The following PCLO variants were observed in gnomAD, a reference collection of about 807,000 sequenced individuals.
PCLO encodes piccolo presynaptic cytomatrix protein, also known as protein piccolo.
Under a neutral mutation model 427.5 loss-of-function variants are expected in PCLO, and 82 were observed. The ratio of observed to expected loss-of-function variants is 0.19; its 90% CI spans 0.16 to 0.23. PCLO has a LOEUF of 0.23. PCLO is among the 10% of genes least tolerant of loss of function. The probability of loss-of-function intolerance (pLI) is 1.00; values close to 1 mark genes in which losing one functional copy is unlikely to be tolerated. For synonymous variants in PCLO, 2,357 were observed against 2,155.4 expected, an observed-to-expected ratio of 1.09 and a Z score of -2.59; for missense variants, 6,239 against 6,115.9, an observed-to-expected ratio of 1.02 and a Z score of -0.67.
intron 6 of PCLO, among the ~76,000 whole-genome samples, chr7:82,928,030 A>C (rs971539152): frequency 1.3e-5 from 2 of 152,204 alleles, no homozygotes; most frequent in African/African-American, 4.8e-5. Flanking sequence ...AGCAGTCCTC[A>C]CATGCATGGG....
At chr7:82,914,663 G>T (rs1418645438) in intron 7 of PCLO, 23 bp downstream of exon 7, 1 of 1,608,612 alleles carries the variant, frequency 6.2e-7, no homozygotes, top group East Asian at 2.2e-5. Context: ...GAGAGTAACA[G>T]GGTAGTTTGA....
chr7:82,787,892 G>T (rs1394548621), intron 22 of PCLO, among the ~76,000 whole-genome samples: 1 of 152,024 alleles, frequency 6.6e-6, no homozygotes, highest in African/African-American at 2.4e-5. Context: ...CAAACTATCA[G>T]ACTATCAAAA....
At chr7:82,824,194 A>G (rs747269208) in intron 19 of PCLO, 42 bp downstream of exon 19, 52 of 1,398,422 alleles carry the variant, frequency 3.7e-5, no homozygotes, top group Non-Finnish European at 4.8e-5. Flanking sequence ...AGACTGAACA[A>G]ATAGACACAA....
chr7:83,045,391 A>G (rs757682153), intron 3 of PCLO, among the ~76,000 whole-genome samples: 3 of 152,162 alleles, frequency 2.0e-5, no homozygotes, highest in Non-Finnish European at 4.4e-5. Flanking sequence ...ATCCTCCATC[A>G]TAAGTTCTAC....
intron 20 of PCLO, chr7:82,821,685 CCAGA>C: frequency 2.0e-6 from 2 of 978,514 alleles, no homozygotes; most frequent in Non-Finnish European, 2.4e-6. Context: ...CTTATAGCTA[CCAGA>C]CATAGTATAT....
chr7:83,156,281 C>T lies in PCLO; in HGVS notation c.360G>A (p.Arg120=), dbSNP rs1326916961. The T allele has an allele frequency of 3.1e-6, 5 of 1,613,424 alleles. No individual in the cohort carries two copies. Among genetic ancestry groups the T allele is most frequent in the Non-Finnish European group, 3.4e-6 (4 of 1,179,680 alleles). ...LSKSRTTDTF[R]SEQKLPGRSP... ...TCCTCCCAGGCAATTTCTGCTCTGA[C>T]CTGAAAGTGTCTGTAGTTCTACTTT... is the stretch of plus-strand genomic sequence containing the variant. The change falls in exon 2 of 25, where the codon AGG becomes AGA. Residue 120 remains arginine (R), a synonymous_variant. Coordinates refer to ENST00000333891, the MANE Select transcript of PCLO (RefSeq NM_033026.6).
In PCLO at chr7:82,843,664, C is replaced by A. The variant is rs1792424659; in HGVS notation, c.14046+1607G>T. On this transcript the variant is annotated intron_variant, in intron 13 of 24. Coordinates refer to ENST00000333891, the MANE Select transcript of PCLO (RefSeq NM_033026.6). Reference sequence around the variant, plus strand: ...CAATGTAGCCATTCCACAACGTATTCATTTTTTTTTTTTTTTTGGAGACAG... The same window carrying A: ...CAATGTAGCCATTCCACAACGTATTAATTTTTTTTTTTTTTTTGGAGACAG... 1.5e-5 allele frequency among the ~76,000 whole-genome samples: 2 copies of A among 135,712 alleles called. 1 individual carries two copies. Among genetic ancestry groups the A allele is most frequent in the South Asian group, 5.5e-4 (2 of 3,606 alleles). 89.0% of individuals were successfully genotyped at this position (135,712 alleles called of 152,430 possible).
chr7:83,051,453 A>G (rs970503322), intron 3 of PCLO, among the ~76,000 whole-genome samples: 1 of 152,168 alleles, frequency 6.6e-6, no homozygotes, highest in Non-Finnish European at 1.5e-5. Context: ...AATACCATTT[A>G]TATTAGTACC....
chr7:83,053,508 T>C (rs530720811), intron 3 of PCLO, among the ~76,000 whole-genome samples: 1 of 151,706 alleles, frequency 6.6e-6, no homozygotes, highest in African/African-American at 2.4e-5. Flanking sequence ...GAGGGGAGTA[T>C]GGAGGAAAAG....
At chr7:82,937,518 A>G (rs1794984890) in intron 6 of PCLO, among the ~76,000 whole-genome samples, 1 of 151,744 alleles carries the variant, frequency 6.6e-6, no homozygotes, top group African/African-American at 2.4e-5. Flanking sequence ...GTTAACTAGA[A>G]TATTATAAAC....
chr7:83,084,466 C>T (rs957949165), intron 3 of PCLO, among the ~76,000 whole-genome samples: 4 of 152,016 alleles, frequency 2.6e-5, no homozygotes, highest in African/African-American at 9.7e-5. Flanking sequence ...AGCACCATGT[C>T]TCATTCTGCC....
chr7:82,956,277 T>G lies in PCLO; in HGVS notation c.4676A>C (p.Gln1559Pro). The G allele has an allele frequency of 6.2e-7, 1 of 1,612,568 alleles. No individual in the cohort carries two copies. The highest frequency in any genetic ancestry group is 8.5e-7 in the Non-Finnish European group (1 of 1,179,876). ...TTCATCAGCACTCATTTCTATGATT[T>G]GTTTTCGAATGAAGTCCTCCTCTTC... is the stretch of plus-strand genomic sequence containing the variant. ...SGEEEDFIRKQIIEMSADEDA... is the reference protein window; with the variant it reads ...SGEEEDFIRKPIIEMSADEDA... Residue 1559 changes from glutamine to proline, a missense_variant, in exon 5 of 25, where the codon CAA becomes CCA. Coordinates refer to ENST00000333891, the MANE Select transcript of PCLO (RefSeq NM_033026.6).
At chr7:82,852,434 C>A (rs1792687771) in intron 10 of PCLO, among the ~76,000 whole-genome samples, 1 of 152,104 alleles carries the variant, frequency 6.6e-6, no homozygotes, top group Non-Finnish European at 1.5e-5. Context: ...CTGGAAAGAG[C>A]CGACCTGCTG....
In PCLO at chr7:83,162,492, T is replaced by G. The variant is rs1225761629; in HGVS notation, c.101A>C (p.His34Pro). 3.7e-5 allele frequency: 58 copies of G among 1,572,426 alleles called. No homozygotes were observed. The highest frequency in any genetic ancestry group is 4.9e-5 in the Non-Finnish European group (57 of 1,158,982). ...GGASGAGSPS[H>P]TAIPAGMEAD... ...CTCCATGCCGGCCGGGATCGCGGTG[T>G]GAGAGGGGCTCCCCGCCCCGCTAGC... Residue 34 changes from histidine (H) to proline (P), a missense_variant, in exon 1 of 25, where the codon CAC becomes CCC. Coordinates refer to ENST00000333891, the MANE Select transcript of PCLO (RefSeq NM_033026.6).
Position 82,847,228 on chromosome 7 carries a change from C to G in PCLO, c.13674G>C (p.Trp4558Cys). 6.3e-7 allele frequency: 1 copy of G among 1,591,828 alleles called. No homozygotes were observed. Among genetic ancestry groups the G allele is most frequent in the African/African-American group, 1.3e-5 (1 of 74,732 alleles). ...TTTTAGAAGTCAAGGGAATTCCATT[C>G]CATTCCAATACTTGCATCCCTAGAA... ...KLMEGMQVLE[W>C]NGIPLTSKTY... The change falls in exon 11 of 25, where the codon TGG becomes TGC. Residue 4558 changes from tryptophan to cysteine, a missense_variant. By Grantham distance (215) the Trp-to-Cys change is radical (BLOSUM62 -2). This residue lies in a region of PCLO where 877 missense variants were observed against 925.5 expected (regional missense o/e 0.95). Transcript: ENST00000333891.
chr7:82,851,826 C>T (rs1481355258), intron 10 of PCLO, among the ~76,000 whole-genome samples: 2 of 152,206 alleles, frequency 1.3e-5, no homozygotes, highest in African/African-American at 4.8e-5. Context: ...ACAGCAAACA[C>T]ATCTTGCAAG....
chr7:82,910,982 T>C (rs1794307001), intron 7 of PCLO, among the ~76,000 whole-genome samples: 1 of 152,152 alleles, frequency 6.6e-6, no homozygotes, highest in Non-Finnish European at 1.5e-5. Flanking sequence ...ATACTGATTT[T>C]AATAAATTAA....
At chr7:83,137,181 T>A (rs2116625602) in intron 2 of PCLO, among the ~76,000 whole-genome samples, 1 of 152,300 alleles carries the variant, frequency 6.6e-6, no homozygotes, top group East Asian at 1.9e-4. Flanking sequence ...AAACAGTTTC[T>A]TTTTGAAAAA....
intron 22 of PCLO, among the ~76,000 whole-genome samples, chr7:82,786,923 T>A (rs573466407): frequency 1.4e-3 from 206 of 152,278 alleles, no homozygotes; most frequent in Non-Finnish European, 2.5e-3. Flanking sequence ...CATGAACTCA[T>A]CCTTTTTTAT....
Sources: allele counts gnomAD v4.1 joint callset (sites outside exome capture counted in the v4.1 genomes callset), GRCh38; gene constraint gnomAD v4.1.1; regional missense constraint gnomAD v4.1.1; transcripts MANE v1.5; gene names NCBI Gene and HGNC (gene_info 2026-07-23, HGNC 2026-07-21).